ACTR10: variants seen among roughly 807,000 people sequenced by gnomAD.
ACTR10 encodes the protein actin-related protein 10.
In ACTR10, 43 loss-of-function variants were observed where a neutral mutation model predicts 56.2. The observed-to-expected ratio is 0.77, with a 90% confidence interval of 0.60 to 0.99. ACTR10 has a LOEUF of 0.99. ACTR10 is among the 50% of genes least tolerant of loss of function. ACTR10 has a pLI of 0.00. For synonymous variants in ACTR10, 170 were observed against 176.3 expected (o/e 0.96, Z 0.28); for missense variants, 466 against 507.8 (o/e 0.92, Z 0.79).
Position 58,232,202 on chromosome 14 carries a change from T to C in ACTR10, c.1007T>C (p.Leu336Pro), listed in dbSNP as rs1295951356. 6.2e-7 allele frequency: 1 copy of C among 1,613,740 alleles called. No homozygotes were observed. Among genetic ancestry groups the C allele is most frequent in the Non-Finnish European group, 8.5e-7 (1 of 1,179,934 alleles). The change falls in exon 12 of 13, where the codon CTT becomes CCT. Residue 336 changes from leucine (L) to proline (P), a missense_variant. Coordinates refer to ENST00000254286, the MANE Select transcript of ACTR10 (RefSeq NM_018477.3). ...LVEKPKYKKA[L>P]GTKTFRIHTP... ...GAAAAACCAAAATATAAAAAAGCAC[T>C]TGGCACTAAGACATTTCGAATTCAT...
chr14:58,202,834 C>T (rs374362849), intron 1 of ACTR10, 21 bp from the exon 2 acceptor site: 1 of 1,537,992 alleles, frequency 6.5e-7, no homozygotes, highest in Non-Finnish European at 8.9e-7. Context: ...TAAGTTGTTT[C>T]AATTTTCCAT....
intron 9 of ACTR10, 30 bp from the exon 10 acceptor site, chr14:58,223,753 G>A (rs1375934269): frequency 3.1e-6 from 5 of 1,607,198 alleles, no homozygotes; most frequent in Non-Finnish European, 3.4e-6. Flanking sequence ...CAACATGTGT[G>A]GACTTATGTT....
At position 58,234,373 on chromosome 14, in the gene ACTR10, C is replaced by T. The variant is rs756285067; in HGVS notation, c.1076C>T (p.Ala359Val). The part of the protein sequence containing the change: ...KANCVAWLGG[A>V]IFGALQDILG... ...AAAAAATATTTTTGTCACACAGGGG[C>T]TATTTTTGGAGCATTACAAGATATA... Residue 359 changes from alanine (A) to valine (V), a missense_variant, in exon 13 of 13, where the codon GCT (alanine) becomes GTT (valine). Physicochemically the swap from Ala to Val is moderately conservative, Grantham distance 64. Coordinates refer to ENST00000254286, the MANE Select transcript of ACTR10 (RefSeq NM_018477.3). 70 of 1,543,530 alleles carry T rather than the reference C, an allele frequency of 4.5e-5. No homozygotes were observed. In the Middle Eastern group the frequency reaches 2.1e-3, roughly 46 times the overall value.
chr14:58,206,479 G>A (rs946683044), intron 2 of ACTR10, among the ~76,000 whole-genome samples: 6 of 152,064 alleles, frequency 3.9e-5, no homozygotes, highest in Admixed American at 1.3e-4. Flanking sequence ...CACTGCGCCC[G>A]AACGAGTTTT....
chr14:58,201,573 T>C (rs1349023125), intron 1 of ACTR10, among the ~76,000 whole-genome samples: 2 of 152,180 alleles, frequency 1.3e-5, no homozygotes, highest in African/African-American at 4.8e-5. Flanking sequence ...TATCAAAAAC[T>C]AGACAGGACA....
In ACTR10 at chr14:58,234,501, G is replaced by A. The variant is rs749382193; in HGVS notation, c.1204G>A (p.Gly402Arg). 15 of 1,613,088 alleles carry A rather than the reference G, an allele frequency of 9.3e-6. No individual in the cohort carries two copies. Among genetic ancestry groups the A allele is most frequent in the African/African-American group, 2.7e-5 (2 of 74,838 alleles). Residue 402 changes from glycine to arginine, a missense_variant, in exon 13 of 13, where the codon GGG (glycine) becomes AGG (arginine). Coordinates refer to ENST00000254286, the MANE Select transcript of ACTR10 (RefSeq NM_018477.3). The stretch of plus-strand genomic sequence containing the variant: ...ACCTTTGGAAATGATGTTTGATGTC[G>A]GGAAAACTCAACCACCTCTGATGAA... The part of the protein sequence containing the change: ...NPPLEMMFDV[G>R]KTQPPLMKRA...
At chr14:58,206,096 A>C (rs1888856259) in intron 2 of ACTR10, among the ~76,000 whole-genome samples, 1 of 151,956 alleles carries the variant, frequency 6.6e-6, no homozygotes, top group African/African-American at 2.4e-5. Flanking sequence ...AACAATTGGC[A>C]TTACTGTGTT....
chr14:58,202,082 A>G (rs1161901276), intron 1 of ACTR10, among the ~76,000 whole-genome samples: 1 of 152,014 alleles, frequency 6.6e-6, no homozygotes, highest in Non-Finnish European at 1.5e-5. Context: ...TTAATTATGT[A>G]TGAAGTGTGA....
chr14:58,220,572 C>T (rs1398836035), intron 8 of ACTR10, among the ~76,000 whole-genome samples: 1 of 152,202 alleles, frequency 6.6e-6, no homozygotes, highest in Non-Finnish European at 1.5e-5. Flanking sequence ...TTCCTTTCCT[C>T]TCTTCCATTT....
Position 58,230,413 on chromosome 14 carries a change from A to C in ACTR10, c.803A>C (p.Glu268Ala). ...ILGSIRDSVV[E>A]ILFEQDNEEQ... Reference sequence around the variant, plus strand: ...AATCCCATTAGAGATTCAGTTGTGGAAATTCTTTTTGAACAAGATAATGAA... The same window carrying C: ...AATCCCATTAGAGATTCAGTTGTGGCAATTCTTTTTGAACAAGATAATGAA... Residue 268 changes from glutamate (E) to alanine (A), a missense_variant, in exon 11 of 13, where the codon GAA becomes GCA. Transcript: ENST00000254286. 1 of 1,583,322 alleles carries C rather than the reference A, an allele frequency of 6.3e-7. No homozygotes were observed. The highest frequency in any genetic ancestry group is 8.6e-7 in the Non-Finnish European group (1 of 1,166,502).
At chr14:58,200,366 G>C (rs1302976394) in intron 1 of ACTR10, 72 bp downstream of exon 1, 28 of 1,289,970 alleles carry the variant, frequency 2.2e-5, no homozygotes, top group Non-Finnish European at 2.8e-5. Flanking sequence ...GCACTGCCTG[G>C]GTCCTCATCG....
At chr14:58,202,710 AT>A (rs962987311) in intron 1 of ACTR10, 144 bp from the exon 2 acceptor site, 123 of 515,864 alleles carry the variant, frequency 2.4e-4, no homozygotes, top group South Asian at 6.1e-4. Flanking sequence ...TTGTGGAGTG[AT>A]TTTTTTTGAT....
chr14:58,227,825 G>A (rs1594814204), intron 10 of ACTR10, among the ~76,000 whole-genome samples: 1 of 152,356 alleles, frequency 6.6e-6, no homozygotes, highest in African/African-American at 2.4e-5. Context: ...ATAAAAAATA[G>A]AGTTTATACC....
intron 4 of ACTR10, 136 bp downstream of exon 4, chr14:58,209,243 C>T: frequency 1.8e-6 from 1 of 571,240 alleles, no homozygotes; most frequent in East Asian, 3.2e-5. Flanking sequence ...CTAATAAAAG[C>T]CCTTATTTTG....
chr14:58,222,764 G>A (rs1337796418), intron 8 of ACTR10, among the ~76,000 whole-genome samples: 212 of 76,240 alleles, frequency 2.8e-3, no homozygotes, highest in Middle Eastern at 6.6e-3. Flanking sequence ...GACTCTGTCA[G>A]AAAAAAAAAA....
chr14:58,218,467 G>T (rs1240540049), intron 7 of ACTR10, among the ~76,000 whole-genome samples: 1 of 151,854 alleles, frequency 6.6e-6, no homozygotes, highest in African/African-American at 2.4e-5. Context: ...AAACACAAAA[G>T]TAAGCCTTTG....
chr14:58,234,614 A>G lies in ACTR10; in HGVS notation c.*63A>G, dbSNP rs1889630658. ...ATTTAACCAATTATAAGCAAATTGT[A>G]CAAAGTATGTAGGATGTTTTGTTAT... On this transcript the variant is annotated 3_prime_UTR_variant, in exon 13 of 13. Coordinates refer to ENST00000254286, the MANE Select transcript of ACTR10 (RefSeq NM_018477.3). 3.3e-6 allele frequency: 5 copies of G among 1,492,920 alleles called. No individual in the cohort carries two copies. Among genetic ancestry groups the G allele is most frequent in the Non-Finnish European group, 3.7e-6 (4 of 1,092,776 alleles). 92.5% of individuals were successfully genotyped at this position (1,492,920 alleles called of 1,614,324 possible).
intron 8 of ACTR10, chr14:58,223,405 TG>T (rs1371855479): frequency 1.3e-4 from 64 of 495,392 alleles, no homozygotes; most frequent in African/African-American, 1.2e-3. Context: ...CCCAAAGTGC[TG>T]GGATTACAGG....
intron 2 of ACTR10, among the ~76,000 whole-genome samples, chr14:58,204,918 G>C (rs1460760076): frequency 6.6e-6 from 1 of 151,982 alleles, no homozygotes; most frequent in Admixed American, 6.6e-5. Context: ...TCGCATATAA[G>C]CATATTTGGT....
Sources: gnomAD v4.1 joint callset for allele counts (sites outside exome capture counted in the v4.1 genomes callset) on GRCh38, gnomAD v4.1.1 for gene constraint, MANE v1.5 for transcripts, NCBI Gene and HGNC (gene_info 2026-07-23, HGNC 2026-07-21) for gene names.